CNTLN: variants seen among roughly 807,000 people sequenced by gnomAD.
CNTLN encodes the protein centlein, also known as centlein, centrosomal protein.
CNTLN carries 212 observed loss-of-function variants against 180.0 expected under a neutral mutation model. That is an observed-to-expected ratio of 1.18 (90% CI 1.05 to 1.32). The LOEUF (loss-of-function observed/expected upper bound fraction) is 1.32, where lower values mean the gene tolerates loss of function less well. CNTLN is among the 40% of genes most tolerant of loss of function. The pLI is 0.00. For missense variants in CNTLN, 2,095 were observed against 1,610.9 expected (o/e 1.30, Z -5.14); for synonymous variants, 722 against 563.1 (o/e 1.28, Z -3.99).
At chr9:17,523,213 T>C in the CNTLN span, among the ~76,000 whole-genome samples, 1 of 152,156 alleles carries the variant, frequency 6.6e-6, no homozygotes, top group Non-Finnish European at 1.5e-5. Context: ...ACAGGGGTTT[T>C]AGGTAACTTC....
rs967521212 is a variant in CNTLN, at chr9:17,404,203, G to C, written c.2616-5090G>C. Reference sequence around the variant, plus strand: ...CGACAGTAGATGATCAATAGGCTCCGTTATGGCACCAGCTAGAAGACAATA... The same window carrying C: ...CGACAGTAGATGATCAATAGGCTCCCTTATGGCACCAGCTAGAAGACAATA... On this transcript the variant is annotated intron_variant, in intron 15 of 25. Coordinates refer to ENST00000380647, the MANE Select transcript of CNTLN (RefSeq NM_017738.4). Among the ~76,000 whole-genome samples the C allele has an allele frequency of 9.9e-5, 15 of 151,890 alleles. 1 individual carries two copies. Among genetic ancestry groups the C allele is most frequent in the African/African-American group, 3.6e-4 (15 of 41,210 alleles).
Position 17,394,740 on chromosome 9 carries a change from A to T in CNTLN, c.2286A>T (p.Val762=). ...AAAAAGAAAATACTGAACTTCAAGT[A>T]AAAATCAGTGAGCTGGAGACAGAAG... ...DVEKENTELQ[V]KISELETEVT... The change falls in exon 15 of 26, where the codon GTA becomes GTT. Residue 762 remains valine, a synonymous_variant. Coordinates refer to ENST00000380647, the MANE Select transcript of CNTLN (RefSeq NM_017738.4). 6.2e-7 allele frequency: 1 copy of T among 1,614,074 alleles called. No individual in the cohort carries two copies. The highest frequency in any genetic ancestry group is 2.2e-5 in the East Asian group (1 of 44,870).
chr9:17,521,900 T>C, the CNTLN span, among the ~76,000 whole-genome samples: 1 of 152,210 alleles, frequency 6.6e-6, no homozygotes, highest in South Asian at 2.1e-4. Flanking sequence ...CTATAGCATT[T>C]CAAAGATTTT....
At chr9:17,528,610 C>G in the CNTLN span, among the ~76,000 whole-genome samples, 1 of 152,226 alleles carries the variant, frequency 6.6e-6, no homozygotes, top group Non-Finnish European at 1.5e-5. Flanking sequence ...TCTGAATAAA[C>G]TATGGATGTT....
intron 18 of CNTLN, among the ~76,000 whole-genome samples, chr9:17,433,523 T>C (rs539000092): frequency 2.0e-5 from 3 of 152,190 alleles, no homozygotes; most frequent in Admixed American, 2.0e-4. Context: ...TGACCTCAGG[T>C]GATCCACCCA....
intron 23 of CNTLN, among the ~76,000 whole-genome samples, chr9:17,475,798 G>T (rs967624163): frequency 1.7e-4 from 26 of 151,216 alleles, no homozygotes; most frequent in African/African-American, 5.8e-4. Flanking sequence ...GCGTGAACCC[G>T]GGAGGTGGAG....
intron 16 of CNTLN, among the ~76,000 whole-genome samples, 171 bp downstream of exon 16, chr9:17,409,644 G>C (rs1827686308): frequency 6.6e-6 from 1 of 151,954 alleles, no homozygotes; most frequent in Non-Finnish European, 1.5e-5. Context: ...GTACTTGTTT[G>C]TTACAGTCTT....
intron 22 of CNTLN, 42 bp downstream of exon 22, chr9:17,466,160 T>C: frequency 6.5e-7 from 1 of 1,530,380 alleles, no homozygotes; most frequent in South Asian, 1.2e-5. Context: ...AGATGGAATA[T>C]AATCGTGTTT....
At chr9:17,265,617 C>T (rs1197048888) in intron 5 of CNTLN, among the ~76,000 whole-genome samples, 2 of 152,046 alleles carry the variant, frequency 1.3e-5, no homozygotes, top group African/African-American at 4.8e-5. Context: ...GGAGTGGTAC[C>T]AGCTCCTCTT....
At chr9:17,347,706 G>C (rs528952084) in intron 12 of CNTLN, among the ~76,000 whole-genome samples, 2 of 148,614 alleles carry the variant, frequency 1.3e-5, no homozygotes, top group South Asian at 4.3e-4. Flanking sequence ...AAAAGAAAAA[G>C]AAAATGTATT....
intron 6 of CNTLN, among the ~76,000 whole-genome samples, chr9:17,276,305 G>A (rs771216322): frequency 3.3e-5 from 5 of 151,990 alleles, no homozygotes; most frequent in East Asian, 3.9e-4. Context: ...GATATACTGT[G>A]TGTCTTGTTT....
intron 5 of CNTLN, among the ~76,000 whole-genome samples, chr9:17,268,718 T>A (rs1827700231): frequency 6.6e-6 from 1 of 152,232 alleles, no homozygotes; most frequent in African/African-American, 2.4e-5. Flanking sequence ...CTGCTTTGTT[T>A]ACCTAATCAA....
At chr9:17,477,724 C>T (rs149052226) in intron 23 of CNTLN, among the ~76,000 whole-genome samples, 298 of 152,276 alleles carry the variant, frequency 2.0e-3, no homozygotes, top group African/African-American at 6.9e-3. Context: ...CTCTTAGGGA[C>T]GAGTAGAGAA....
Position 17,351,222 on chromosome 9 carries a change from A to G in CNTLN, c.1886+8778A>G, listed in dbSNP as rs529916105. Among the ~76,000 whole-genome samples the G allele has an allele frequency of 2.6e-5, 4 of 152,252 alleles. No individual in the cohort carries two copies. In the East Asian group the frequency reaches 7.7e-4, roughly 29 times the overall value. On this transcript the variant is annotated intron_variant, in intron 12 of 25. Coordinates refer to ENST00000380647, the MANE Select transcript of CNTLN (RefSeq NM_017738.4). ...CCTGAAATCAGCTGTTTACTGTTGCAGTATTTTTGAACTTTGTCATAGGCG... is the reference window on the plus strand; with the variant it reads ...CCTGAAATCAGCTGTTTACTGTTGCGGTATTTTTGAACTTTGTCATAGGCG...
chr9:17,149,534 T>TA (rs1554643066), intron 2 of CNTLN, among the ~76,000 whole-genome samples: 12 of 148,050 alleles, frequency 8.1e-5, no homozygotes, highest in Non-Finnish European at 1.3e-4. Flanking sequence ...TTTTTTTTTT[T>TA]AGAGACTGGG....
At chr9:17,175,437 C>G (rs375491460) in intron 2 of CNTLN, among the ~76,000 whole-genome samples, 3 of 152,092 alleles carry the variant, frequency 2.0e-5, no homozygotes, top group African/African-American at 4.8e-5. Flanking sequence ...GCATCTTTGT[C>G]TAAAATCACT....
chr9:17,445,220 G>T (rs930520116), intron 18 of CNTLN, among the ~76,000 whole-genome samples: 18 of 152,038 alleles, frequency 1.2e-4, no homozygotes, highest in African/African-American at 4.3e-4. Flanking sequence ...AACATGATAT[G>T]AATACTTAGT....
intron 2 of CNTLN, among the ~76,000 whole-genome samples, chr9:17,145,633 A>G (rs561261941): frequency 2.0e-5 from 3 of 152,308 alleles, no homozygotes; most frequent in East Asian, 3.9e-4. Flanking sequence ...AGACATTTGT[A>G]TAACAGGCTG....
downstream of CNTLN, among the ~76,000 whole-genome samples, chr9:17,508,659 A>T (rs1289335917): frequency 6.6e-6 from 1 of 152,232 alleles, no homozygotes; most frequent in Non-Finnish European, 1.5e-5. Context: ...AAATGGAATT[A>T]TGGAATGTAT....
Sources: allele counts gnomAD v4.1 joint callset (sites outside exome capture counted in the v4.1 genomes callset), GRCh38; gene constraint gnomAD v4.1.1; transcripts MANE v1.5; gene names NCBI Gene and HGNC (gene_info 2026-07-23, HGNC 2026-07-21).